Variants in FMR1 observed in about 807,000 individuals in gnomAD.
The protein encoded by FMR1 is fragile X messenger ribonucleoprotein 1.
Under a neutral mutation model 50.6 loss-of-function variants are expected in FMR1, and 13 were observed. The observed-to-expected ratio is 0.26, with a 90% CI of 0.17 to 0.41. FMR1 has a LOEUF of 0.41. Among genes scored for constraint, FMR1 ranks in the 10% least tolerant of loss-of-function variants. The pLI, the probability that FMR1 is intolerant of heterozygous loss-of-function variation, is 1.00. For synonymous variants in FMR1, 138 were observed against 164.1 expected (o/e 0.84, Z 1.22); for missense variants, 316 against 491.3 (o/e 0.64, Z 3.37).
In FMR1 at chrX:147,932,779, C is replaced by T. The variant is rs1557178974; in HGVS notation, c.880+16C>T. ...AACTTAGTAGGTAAGTCAGAAGTAT[C>T]TGTTGACATATAGTACAACAACTAA... On this transcript the variant is annotated intron_variant, in intron 9 of 16. Transcript: ENST00000370475. 9.2e-7 allele frequency: 1 copy of T among 1,085,520 alleles called. No homozygotes were observed. The highest frequency in any genetic ancestry group is 1.3e-6 in the Non-Finnish European group (1 of 782,110). 89.5% of individuals were successfully genotyped at this position (1,085,520 alleles called of 1,213,427 possible). A position where few individuals can be genotyped will look rare whatever the true frequency, so the allele number is the denominator to read the frequency against.
rs1345073584 is a variant in FMR1 at position 147,911,944 on chromosome X, C to G, written c.-236C>G. 9.0e-6 allele frequency: 1 copy of G among 110,679 alleles called. No individual in the cohort carries two copies. Among genetic ancestry groups the G allele is most frequent in the Non-Finnish European group, 1.9e-5 (1 of 52,392 alleles). 9.1% of individuals were successfully genotyped at this position (110,679 alleles called of 1,213,427 possible). A position where few individuals can be genotyped will look rare whatever the true frequency, so the allele number is the denominator to read the frequency against. On this transcript the variant is annotated 5_prime_UTR_variant, in exon 1 of 17. Transcript: ENST00000370475. ...CTCAGTCAGGCGCTCAGCTCCGTTT[C>G]GGTTTCACTTCCGGTGGAGGGCCGC...
In FMR1 at chrX:147,928,398, GA is replaced by G; in HGVS notation, c.270+9del. ...GTGAGGATGATAAAGGGTGAGGTAGGAAAATGCCTATTTAAATTTTTTTCTT... is the reference window on the plus strand; with the variant it reads ...GTGAGGATGATAAAGGGTGAGGTAGGAAATGCCTATTTAAATTTTTTTCTT... On this transcript the variant is annotated splice_donor_region_variant and intron_variant, in intron 4 of 16. Transcript: ENST00000370475. 1 of 1,182,212 alleles carries G rather than the reference GA, an allele frequency of 8.5e-7. No homozygotes were observed. The highest frequency in any genetic ancestry group is 1.2e-6 in the Non-Finnish European group (1 of 869,491).
At chrX:147,933,505 T>C in intron 9 of FMR1, 1 of 944,310 alleles carries the variant, frequency 1.1e-6, no homozygotes, top group African/African-American at 2.0e-5. Flanking sequence ...TAATTCTTCA[T>C]TTTGACTTGA....
intron 1 of FMR1, among the ~76,000 whole-genome samples, chrX:147,920,294 C>G (rs1490662598): frequency 1.8e-5 from 2 of 111,776 alleles, no homozygotes; most frequent in African/African-American, 6.5e-5. Flanking sequence ...ATTGAATTGT[C>G]TTGGCTTCTT....
chrX:147,933,425 C>G, intron 9 of FMR1: 3 of 989,039 alleles, frequency 3.0e-6, no homozygotes, highest in Non-Finnish European at 3.9e-6. Context: ...ACATAGGTTA[C>G]TTAAATCTAA....
chrX:147,944,270 T>G, intron 14 of FMR1: 3 of 753,644 alleles, frequency 4.0e-6, no homozygotes, highest in Non-Finnish European at 4.7e-6. Context: ...TAATTCTTTA[T>G]TAATGATCAA....
intron 1 of FMR1, chrX:147,912,839 C>CT: frequency 3.4e-6 from 1 of 296,826 alleles, no homozygotes; most frequent in Non-Finnish European, 5.9e-6. Context: ...AGTGGCTTCT[C>CT]TTTGTGGATT....
chrX:147,941,102 A>G (rs1478993681), intron 13 of FMR1, among the ~76,000 whole-genome samples: 1 of 111,718 alleles, frequency 9.0e-6, no homozygotes, highest in East Asian at 2.8e-4. Flanking sequence ...TTTTCTCTTT[A>G]CTGTTATTCA....
At position 147,922,049 on chromosome X, in the gene FMR1, T is replaced by A. The variant is rs2043195567; in HGVS notation, c.104+64T>A. On this transcript the variant is annotated intron_variant, in intron 2 of 16. Coordinates refer to ENST00000370475, the MANE Select transcript of FMR1 (RefSeq NM_002024.6). ...TTAATATTTTATGCTAATTCTACTC[T>A]TCATTTTTTAAAAATTCAAGTCCAG... The A allele has an allele frequency of 4.3e-6, 3 of 703,208 alleles. No homozygotes were observed. The Admixed American group carries it at 7.9e-5, about 19-fold the overall frequency. The allele number at this position is 703,208 out of a possible 1,213,427, so 58.0% of individuals were successfully genotyped here. A position where few individuals can be genotyped will look rare whatever the true frequency, so the allele number is the denominator to read the frequency against.
chrX:147,938,783 A>G (rs2043877825), intron 12 of FMR1, among the ~76,000 whole-genome samples: 2 of 112,100 alleles, frequency 1.8e-5, no homozygotes, highest in African/African-American at 6.5e-5. Flanking sequence ...AAAGAGGACT[A>G]TAACGGCAAG....
In FMR1 at chrX:147,949,448, A is replaced by ATAAG; in HGVS notation, c.*606_*609dup. 1 of 329,710 alleles carries ATAAG rather than the reference A, an allele frequency of 3.0e-6. No homozygotes were observed. Among genetic ancestry groups the ATAAG allele is most frequent in the Non-Finnish European group, 5.9e-6 (1 of 169,985 alleles). The allele number at this position is 329,710 out of a possible 1,213,427, so 27.2% of individuals were successfully genotyped here. Reference sequence around the variant, plus strand: ...TATTTGGATGCAGAGTTCAGGGAAGATAAGTTGGAAACACTAAATGTTAAA... The same window carrying ATAAG: ...TATTTGGATGCAGAGTTCAGGGAAGATAAGTAAGTTGGAAACACTAAATGTTAAA... On this transcript the variant is annotated 3_prime_UTR_variant, in exon 17 of 17. Transcript: ENST00000370475.
intron 9 of FMR1, among the ~76,000 whole-genome samples, chrX:147,933,842 A>T (rs1432271631): frequency 8.9e-6 from 1 of 112,446 alleles, no homozygotes; most frequent in African/African-American, 3.2e-5. Context: ...GTCAGCATAG[A>T]CTCATAAACA....
intron 14 of FMR1, 109 bp from the exon 15 acceptor site, chrX:147,944,760 T>TTGGG (rs199683411): frequency 0.095 from 105,494 of 1,111,089 alleles, 7,945 homozygotes; most frequent in East Asian, 0.66. Flanking sequence ...GGCTTATAAA[T>TTGGG]TGGGAAGAGT....
At position 147,929,910 on chromosome X, in the gene FMR1, G is replaced by A. The variant is rs370267607; in HGVS notation, c.420-38G>A. The A allele has an allele frequency of 9.1e-4, 811 of 895,032 alleles. 1 individual carries two copies. The highest frequency in any genetic ancestry group is 3.3e-3 in the South Asian group (154 of 47,336). 73.8% of individuals were successfully genotyped at this position (895,032 alleles called of 1,213,427 possible). ...CTGCATTTATTTATGTCAGTAGTTGGTAATTATTCATCTTAATTTTTTTTT... is the reference window on the plus strand; with the variant it reads ...CTGCATTTATTTATGTCAGTAGTTGATAATTATTCATCTTAATTTTTTTTT... On this transcript the variant is annotated intron_variant, in intron 5 of 16. Transcript: ENST00000370475.
At chrX:147,927,302 T>C (rs782599029) in intron 3 of FMR1, among the ~76,000 whole-genome samples, 204 of 111,756 alleles carry the variant, frequency 1.8e-3, no homozygotes, top group African/African-American at 6.2e-3. Context: ...ACCAATGAGA[T>C]ACCATTGCTA....
intron 3 of FMR1, among the ~76,000 whole-genome samples, chrX:147,926,486 A>C (rs891185308): frequency 4.6e-5 from 5 of 109,390 alleles, no homozygotes; most frequent in East Asian, 2.8e-4. Context: ...TCAGTTCTTT[A>C]TTTATTTATT....
At chrX:147,914,708 A>G (rs1312585506) in intron 1 of FMR1, among the ~76,000 whole-genome samples, 1 of 112,210 alleles carries the variant, frequency 8.9e-6, no homozygotes, top group African/African-American at 3.2e-5. Context: ...TTGACTTAGA[A>G]AAAATTGGTC....
At chrX:147,913,709 GTTC>G (rs1437638816) in intron 1 of FMR1, 2 of 111,915 alleles carry the variant, frequency 1.8e-5, no homozygotes, top group African/African-American at 3.3e-5. Context: ...CCGCGTTTAT[GTTC>G]TTAACAGTCT....
chrX:147,928,289 C>T, intron 3 of FMR1, 33 bp from the exon 4 acceptor site: 1 of 1,118,501 alleles, frequency 8.9e-7, no homozygotes, highest in Non-Finnish European at 1.2e-6. Flanking sequence ...TTATGTTAAT[C>T]ATGAAATATT....
Sources: allele counts gnomAD v4.1 joint callset (sites outside exome capture counted in the v4.1 genomes callset), GRCh38; gene constraint gnomAD v4.1.1; transcripts MANE v1.5; gene names NCBI Gene and HGNC (gene_info 2026-07-23, HGNC 2026-07-21).